EYS: variants seen among roughly 807,000 people sequenced by gnomAD.
The protein encoded by EYS is protein eyes shut homolog.
A neutral mutation model predicts 282.1 loss-of-function variants in EYS; 250 were observed. That is an observed-to-expected ratio of 0.89 (90% confidence interval 0.80 to 0.98). The LOEUF (loss-of-function observed/expected upper bound fraction) is 0.98, where lower values mean the gene tolerates loss of function less well. Among genes scored for constraint, EYS ranks in the 50% least tolerant of loss-of-function variants. The pLI is 0.00. For synonymous variants in EYS, 1,355 were observed against 1,282.9 expected, an observed-to-expected ratio of 1.06 and a Z score of -1.20; for missense variants, 4,016 against 3,709.0, an observed-to-expected ratio of 1.08 and a Z score of -2.15.
In EYS at chr6:63,854,118, G is replaced by A. The variant is rs190291247; in HGVS notation, c.7228+10068C>T. 6.7e-3 allele frequency among the ~76,000 whole-genome samples: 1,014 copies of A among 152,194 alleles called. 13 individuals carry two copies. The highest frequency in any genetic ancestry group is 6.2e-3 in the Non-Finnish European group (421 of 68,012). On this transcript the variant is annotated intron_variant, in intron 36 of 42. Transcript: ENST00000503581. The stretch of plus-strand genomic sequence containing the variant: ...CCTATTACTGGGTATATACCCAAAG[G>A]ATTATAAATCATTCTACTATAAAGA...
intron 28 of EYS, among the ~76,000 whole-genome samples, chr6:64,420,592 C>A (rs1774199385): frequency 6.6e-6 from 1 of 152,184 alleles, no homozygotes; most frequent in African/African-American, 2.4e-5. Flanking sequence ...TATTTTGTGA[C>A]TTTGGGCATC....
At chr6:64,798,557 G>A (rs1318467324) in intron 22 of EYS, among the ~76,000 whole-genome samples, 1 of 149,872 alleles carries the variant, frequency 6.7e-6, no homozygotes, top group South Asian at 2.1e-4. Flanking sequence ...TATGTTCCTA[G>A]GCCTACAGAC....
intron 13 of EYS, among the ~76,000 whole-genome samples, chr6:65,001,107 T>G (rs1298749134): frequency 1.4e-5 from 2 of 144,896 alleles, no homozygotes; most frequent in Non-Finnish European, 3.1e-5. Context: ...AGTGTTACAA[T>G]GCTCTCAGCC....
chr6:64,902,015 G>T, intron 18 of EYS, 98 bp downstream of exon 18: 2 of 758,844 alleles, frequency 2.6e-6, no homozygotes, highest in South Asian at 1.8e-5. Flanking sequence ...TATCAGTGGT[G>T]ATCAGCTGCC....
chr6:64,958,689 C>G (rs1200431818), intron 14 of EYS, among the ~76,000 whole-genome samples: 2 of 136,136 alleles, frequency 1.5e-5, no homozygotes, highest in Non-Finnish European at 3.1e-5. Flanking sequence ...GAGCGGAGAT[C>G]GCGCCACAGC....
At chr6:63,939,579 G>A (rs1256617941) in intron 35 of EYS, among the ~76,000 whole-genome samples, 1 of 151,842 alleles carries the variant, frequency 6.6e-6, no homozygotes, top group Non-Finnish European at 1.5e-5. Flanking sequence ...GCAGACCCTT[G>A]AGCAACAAGG....
rs144741831 is a variant in EYS, at chr6:63,956,911, G to A, written c.7055+27472C>T. 1.5e-3 allele frequency among the ~76,000 whole-genome samples: 234 copies of A among 152,116 alleles called. 1 individual carries two copies. The highest frequency in any genetic ancestry group is 5.4e-3 in the African/African-American group (223 of 41,504). On this transcript the variant is annotated intron_variant, in intron 35 of 42. Transcript: ENST00000503581. ...TCTCCAATACACCTTTTAAATATTG[G>A]TTATCATCTCATGAAACTACAAATT... is the stretch of plus-strand genomic sequence containing the variant.
At chr6:64,381,018 GA>G (rs113430990) in intron 29 of EYS, among the ~76,000 whole-genome samples, 11,138 of 73,064 alleles carry the variant, frequency 0.15, 539 homozygotes, top group African/African-American at 0.27. Flanking sequence ...CTCCATCTCA[GA>G]AAAAAAAAAA....
intron 11 of EYS, among the ~76,000 whole-genome samples, chr6:65,305,820 AC>A (rs1166223462): frequency 6.6e-6 from 1 of 152,130 alleles, no homozygotes; most frequent in Non-Finnish European, 1.5e-5. Context: ...AATTCTCCCA[AC>A]AAACCCCTGT....
intron 35 of EYS, among the ~76,000 whole-genome samples, chr6:63,959,008 G>C (rs1343117922): frequency 6.6e-6 from 1 of 152,134 alleles, no homozygotes; most frequent in Admixed American, 6.6e-5. Context: ...TATGGGTCCA[G>C]GTGTATTTTG....
In EYS at chr6:64,443,255, T is replaced by C. The variant is rs561918111; in HGVS notation, c.5645-3903A>G. 3.3e-5 allele frequency among the ~76,000 whole-genome samples: 5 copies of C among 152,320 alleles called. No homozygotes were observed. The East Asian group carries it at 7.7e-4, about 24-fold the overall frequency. ...CATGGGACCTGTAGCTACTTGGTTT[T>C]GGCCAAGTTTTCCCATTTGGAATGG... On this transcript the variant is annotated intron_variant, in intron 26 of 42. Coordinates refer to ENST00000503581, the MANE Select transcript of EYS (RefSeq NM_001142800.2).
chr6:63,879,609 A>T (rs544687802), intron 35 of EYS, among the ~76,000 whole-genome samples: 1 of 152,342 alleles, frequency 6.6e-6, no homozygotes, highest in South Asian at 2.1e-4. Context: ...TCTTTCTCTT[A>T]TAAATGCAAT....
At chr6:64,860,780 T>G (rs1416834888) in intron 19 of EYS, among the ~76,000 whole-genome samples, 1 of 151,954 alleles carries the variant, frequency 6.6e-6, no homozygotes, top group Non-Finnish European at 1.5e-5. Flanking sequence ...AAGAAAGAGG[T>G]AGGTAGACAA....
chr6:64,296,541 AATATATATATATATATATAT>A (rs1211614579), intron 30 of EYS, among the ~76,000 whole-genome samples: 7 of 15,718 alleles, frequency 4.5e-4, no homozygotes, highest in South Asian at 6.0e-3. Context: ...GTACTGGCAG[AATATATATATATATATATAT>A]ATATATATAT....
chr6:65,057,372 T>G (rs1773448481), intron 13 of EYS, among the ~76,000 whole-genome samples: 2 of 152,166 alleles, frequency 1.3e-5, no homozygotes, highest in African/African-American at 4.8e-5. Context: ...TCTTTTGGTT[T>G]CATTGGTGAC....
At chr6:64,810,319 T>C (rs868654948) in intron 22 of EYS, among the ~76,000 whole-genome samples, 7 of 152,204 alleles carry the variant, frequency 4.6e-5, no homozygotes, top group South Asian at 4.1e-4. Flanking sequence ...TTTTAACTTC[T>C]GTGAAAGAAA....
intron 12 of EYS, among the ~76,000 whole-genome samples, chr6:65,189,155 G>A (rs544494634): frequency 1.3e-3 from 201 of 151,510 alleles, no homozygotes; most frequent in African/African-American, 4.7e-3. Context: ...ATTTTTTAAA[G>A]TATAATTTAT....
At chr6:65,199,502 G>T (rs1765848617) in intron 12 of EYS, among the ~76,000 whole-genome samples, 1 of 152,052 alleles carries the variant, frequency 6.6e-6, no homozygotes, top group Non-Finnish European at 1.5e-5. Flanking sequence ...CAAACTGACC[G>T]AGGTCTCAGA....
chr6:64,943,842 A>G (rs1421033084), intron 15 of EYS, among the ~76,000 whole-genome samples: 2 of 152,142 alleles, frequency 1.3e-5, no homozygotes, highest in Non-Finnish European at 1.5e-5. Context: ...AGAATTAGAG[A>G]AAAACTATAC....
Sources: gnomAD v4.1 joint callset for allele counts (sites outside exome capture counted in the v4.1 genomes callset) on GRCh38, gnomAD v4.1.1 for gene constraint, MANE v1.5 for transcripts, NCBI Gene and HGNC (gene_info 2026-07-23, HGNC 2026-07-21) for gene names.